The following DRC1 variants were observed in gnomAD, a reference collection of about 807,000 sequenced individuals.
DRC1 encodes the protein dynein regulatory complex protein 1.
In DRC1, 74 loss-of-function variants were observed where a neutral mutation model predicts 98.7. The ratio of observed to expected loss-of-function variants is 0.75; its 90% CI spans 0.62 to 0.91. The LOEUF is 0.91. DRC1 is among the 40% of genes least tolerant of loss of function. The pLI is 0.00. For synonymous variants in DRC1, 336 were observed against 334.1 expected, an observed-to-expected ratio of 1.01 and a Z score of -0.06; for missense variants, 875 against 886.0, an observed-to-expected ratio of 0.99 and a Z score of 0.16.
rs796291979 is a variant in DRC1 at position 26,447,114 on chromosome 2, TA to T, written c.1397-1567del. On this transcript the variant is annotated intron_variant, in intron 10 of 16. Transcript: ENST00000288710. ...CAAAAAAATAAAAAATAATAAAAAT[TA>T]AAAAAAAAATAAAAATAGGCCGGGT... is the stretch of plus-strand genomic sequence containing the variant. Among the ~76,000 whole-genome samples the T allele has an allele frequency of 1.5e-3, 215 of 142,486 alleles. 4 individuals are homozygous for T. Among genetic ancestry groups the T allele is most frequent in the Middle Eastern group, 8.6e-3 (2 of 232 alleles). The allele number at this position is 142,486 out of a possible 152,430, so 93.5% of individuals were successfully genotyped here.
At chr2:26,455,821 T>A (rs1227150778) in intron 16 of DRC1, among the ~76,000 whole-genome samples, 2 of 152,212 alleles carry the variant, frequency 1.3e-5, no homozygotes, top group East Asian at 3.9e-4. Flanking sequence ...AACTTCCCCA[T>A]GGCCTGGCAA....
In DRC1 at chr2:26,431,910, G is replaced by C; in HGVS notation, c.792G>C (p.Lys264Asn). 1 of 1,614,084 alleles carries C rather than the reference G, an allele frequency of 6.2e-7. No homozygotes were observed. Among genetic ancestry groups the C allele is most frequent in the Non-Finnish European group, 8.5e-7 (1 of 1,179,970 alleles). ...TGGAGTATCTTAACAACCGCATGAA[G>C]AAAGTAGAGGACTATGAGAAGCAGC... ...KELEYLNNRMKKVEDYEKQLN... is the reference protein window; with the variant it reads ...KELEYLNNRMNKVEDYEKQLN... The change falls in exon 7 of 17, where the codon AAG (lysine) becomes AAC (asparagine). Residue 264 changes from lysine to asparagine, a missense_variant. Coordinates refer to ENST00000288710, the MANE Select transcript of DRC1 (RefSeq NM_145038.5).
chr2:26,417,878 T>C (rs1389384272), intron 2 of DRC1, among the ~76,000 whole-genome samples: 1 of 152,248 alleles, frequency 6.6e-6, no homozygotes, highest in Non-Finnish European at 1.5e-5. Flanking sequence ...TTAATTCTAA[T>C]AGTTACCTGT....
At chr2:26,443,301 T>C (rs765743925) in intron 8 of DRC1, among the ~76,000 whole-genome samples, 1 of 152,240 alleles carries the variant, frequency 6.6e-6, no homozygotes, top group Non-Finnish European at 1.5e-5. Flanking sequence ...GTCTGAAGTA[T>C]GGGCCTGGGT....
Position 26,454,427 on chromosome 2 carries a change from T to G in DRC1, c.1920-220T>G, listed in dbSNP as rs79520243. ...ACTGATTGGGAGAGAGAGGGGTGGATGAAGCACGGATTATGCCCTCACGAA... is the reference window on the plus strand; with the variant it reads ...ACTGATTGGGAGAGAGAGGGGTGGAGGAAGCACGGATTATGCCCTCACGAA... On this transcript the variant is annotated intron_variant, in intron 14 of 16. Transcript: ENST00000288710. This position sits in a 1 kb window ranked among gnomAD's most constrained non-coding sequence, Gnocchi z 5.2. 0.048 allele frequency among the ~76,000 whole-genome samples: 7,269 copies of G among 152,140 alleles called. 237 individuals are homozygous for G. The highest frequency in any genetic ancestry group is 0.071 in the Non-Finnish European group (4,800 of 67,964).
chr2:26,455,205 C>A lies in DRC1; in HGVS notation c.2138C>A (p.Ala713Glu). The change falls in exon 16 of 17, where the codon GCG (alanine) becomes GAG (glutamate). Residue 713 changes from alanine to glutamate, a missense_variant. Coordinates refer to ENST00000288710, the MANE Select transcript of DRC1 (RefSeq NM_145038.5). ...GAGCAGCAGAACACAGAGCTGCAGG[C>A]GCTACTGCAGCAGTATCTGAACTCC... ...SLEQQNTELQ[A>E]LLQQYLNSKI... The A allele has an allele frequency of 1.9e-6, 3 of 1,613,868 alleles. No individual in the cohort carries two copies. The highest frequency in any genetic ancestry group is 1.7e-5 in the Admixed American group (1 of 60,016).
chr2:26,450,590 A>G lies in DRC1; in HGVS notation c.1600-2A>G, dbSNP rs748345425. 7 of 1,610,406 alleles carry G rather than the reference A, an allele frequency of 4.3e-6. No individual in the cohort carries two copies. In the South Asian group the frequency reaches 6.6e-5, roughly 15 times the overall value. ...GAGCAACCATCCTGTTTTTCGCCCCAGGCCCTTGGAATTGAAAGTGAGGAT... is the reference window on the plus strand; with the variant it reads ...GAGCAACCATCCTGTTTTTCGCCCCGGGCCCTTGGAATTGAAAGTGAGGAT... On this transcript the variant is annotated splice_acceptor_variant, in intron 12 of 16. Transcript: ENST00000288710. LOFTEE classifies it high-confidence loss of function.
chr2:26,436,294 T>C (rs1481590921), intron 7 of DRC1, among the ~76,000 whole-genome samples: 2 of 152,194 alleles, frequency 1.3e-5, no homozygotes, highest in African/African-American at 4.8e-5. Context: ...TCATGTTCTT[T>C]GCCCACCCAC....
At chr2:26,456,086 G>A (rs1408773892) in intron 16 of DRC1, among the ~76,000 whole-genome samples, 1 of 152,230 alleles carries the variant, frequency 6.6e-6, no homozygotes, top group East Asian at 1.9e-4. Flanking sequence ...ACAGGACCCA[G>A]ACATTCTGGA....
chr2:26,434,577 A>G (rs1222204609), intron 7 of DRC1, among the ~76,000 whole-genome samples: 4 of 152,198 alleles, frequency 2.6e-5, no homozygotes, highest in African/African-American at 9.6e-5. Context: ...CCTGCCCTCA[A>G]GGAACTTATA....
intron 11 of DRC1, 23 bp downstream of exon 11, chr2:26,448,826 G>A (rs1308236020): frequency 4.3e-6 from 7 of 1,610,212 alleles, no homozygotes; most frequent in Non-Finnish European, 5.9e-6. Flanking sequence ...GGGGGCTGCA[G>A]CAGAGGGACT....
intron 6 of DRC1, among the ~76,000 whole-genome samples, 182 bp from the exon 7 acceptor site, chr2:26,431,702 T>C (rs1205286048): frequency 1.3e-5 from 2 of 152,170 alleles, no homozygotes; most frequent in Non-Finnish European, 2.9e-5. Context: ...ATGACCGCAT[T>C]AGGCAATACA....
At chr2:26,440,341 G>GTA (rs1324667018) in intron 7 of DRC1, 37 bp from the exon 8 acceptor site, 4 of 1,540,382 alleles carry the variant, frequency 2.6e-6, no homozygotes, top group Non-Finnish European at 3.5e-6. Flanking sequence ...GTGTGTGTGT[G>GTA]TGTGTATATA....
chr2:26,438,821 G>A (rs1663639491), intron 7 of DRC1, among the ~76,000 whole-genome samples: 1 of 152,182 alleles, frequency 6.6e-6, no homozygotes, highest in African/African-American at 2.4e-5. Context: ...AGATGGGATG[G>A]AGGCTGGAGA....
intron 7 of DRC1, among the ~76,000 whole-genome samples, chr2:26,436,936 C>G (rs977341865): frequency 4.6e-5 from 7 of 152,032 alleles, no homozygotes; most frequent in Non-Finnish European, 8.8e-5. Flanking sequence ...TTCCGAAGAC[C>G]CTCCTTCTCT....
chr2:26,418,006 G>GATGCTCCAGCTCATTTAAT (rs1678868210), intron 2 of DRC1, among the ~76,000 whole-genome samples: 1 of 151,506 alleles, frequency 6.6e-6, no homozygotes. Context: ...GCATTAGTTG[G>GATGCTCCAGCTCATTTAAT]ATGCTCCAGC....
At chr2:26,418,996 C>G (rs776645221) in intron 2 of DRC1, among the ~76,000 whole-genome samples, 7 of 150,408 alleles carry the variant, frequency 4.7e-5, no homozygotes, top group Non-Finnish European at 7.4e-5. Flanking sequence ...TCACGCGATT[C>G]CCCTGCCTCA....
intron 1 of DRC1, among the ~76,000 whole-genome samples, chr2:26,408,703 G>A (rs1005100413): frequency 3.9e-5 from 6 of 152,130 alleles, no homozygotes; most frequent in African/African-American, 7.2e-5. Context: ...CCTGGGAGGC[G>A]GAGGTTGCAG....
chr2:26,411,292 G>A (rs1027296582), intron 1 of DRC1, among the ~76,000 whole-genome samples: 2 of 152,132 alleles, frequency 1.3e-5, no homozygotes, highest in Non-Finnish European at 2.9e-5. Context: ...AAACAGAACA[G>A]GTGAAATTAA....
Sources: allele counts gnomAD v4.1 joint callset (sites outside exome capture counted in the v4.1 genomes callset), GRCh38; gene constraint gnomAD v4.1.1; non-coding constraint Gnocchi (gnomAD v3.1); transcripts MANE v1.5; gene names NCBI Gene and HGNC (gene_info 2026-07-23, HGNC 2026-07-21).